PRKN: variants seen among roughly 807,000 people sequenced by gnomAD.
PRKN encodes E3 ubiquitin-protein ligase parkin.
Under a neutral mutation model 59.5 loss-of-function variants are expected in PRKN, and 56 were observed. The observed-to-expected ratio is 0.94, with a 90% CI of 0.76 to 1.18. The LOEUF (loss-of-function observed/expected upper bound fraction) is 1.18, where lower values mean the gene tolerates loss of function less well. PRKN is among the 50% of genes most tolerant of loss of function. The pLI is 0.00. For synonymous variants in PRKN, 250 were observed against 222.1 expected, an observed-to-expected ratio of 1.13 and a Z score of -1.12; for missense variants, 657 against 596.4, an observed-to-expected ratio of 1.10 and a Z score of -1.06.
At chr6:162,689,502 CA>C (rs1777690968) in intron 1 of PRKN, among the ~76,000 whole-genome samples, 2 of 152,198 alleles carry the variant, frequency 1.3e-5, no homozygotes, top group Non-Finnish European at 2.9e-5. Flanking sequence ...TGTGTGTTAA[CA>C]CAGGTTATAC....
At chr6:161,811,366 A>T (rs1562701939) in intron 6 of PRKN, among the ~76,000 whole-genome samples, 1 of 152,194 alleles carries the variant, frequency 6.6e-6, no homozygotes, top group Admixed American at 6.5e-5. Flanking sequence ...ACATCATCAT[A>T]TACAGTTACA....
intron 1 of PRKN, among the ~76,000 whole-genome samples, chr6:162,444,838 C>T (rs541028996): frequency 6.6e-6 from 1 of 152,268 alleles, no homozygotes; most frequent in Admixed American, 6.5e-5. Flanking sequence ...ATTAACCTCC[C>T]TCTTTAGGTC....
intron 1 of PRKN, among the ~76,000 whole-genome samples, chr6:162,577,260 A>G (rs1583839197): frequency 1.3e-5 from 2 of 152,318 alleles, no homozygotes; most frequent in Middle Eastern, 6.8e-3. Context: ...AAAAAAATCA[A>G]TCAAATCACA....
chr6:161,935,205 C>T (rs1779310316), intron 6 of PRKN, among the ~76,000 whole-genome samples: 1 of 152,054 alleles, frequency 6.6e-6, no homozygotes, highest in Non-Finnish European at 1.5e-5. Context: ...AAAATAAACT[C>T]ATACTAATTT....
In PRKN at chr6:162,543,713, C is replaced by T. The variant is rs567513633; in HGVS notation, c.8-100240G>A. 5.4e-4 allele frequency among the ~76,000 whole-genome samples: 82 copies of T among 152,196 alleles called. No homozygotes were observed. The South Asian group carries it at 6.0e-3, about 11-fold the overall frequency. ...CCATTATTATACCTGTACTTCATAC[C>T]GCTGGCTGACCCTGAGCTTGTGGTC... On this transcript the variant is annotated intron_variant, in intron 1 of 11. Coordinates refer to ENST00000366898, the MANE Select transcript of PRKN (RefSeq NM_004562.3).
At chr6:162,440,571 T>G (rs1309405369) in intron 2 of PRKN, among the ~76,000 whole-genome samples, 1 of 152,270 alleles carries the variant, frequency 6.6e-6, no homozygotes, top group Admixed American at 6.5e-5. Context: ...ATACTCACAA[T>G]ATCTCATTTT....
rs553871882 is a variant in PRKN at position 162,147,653 on chromosome 6, G to A, written c.534+53478C>T. ...AATAGAAAGTAAACTTTTTAAGACT[G>A]AATGGACTTTTCATTTTAAGGTGCA... On this transcript the variant is annotated intron_variant, in intron 4 of 11. Coordinates refer to ENST00000366898, the MANE Select transcript of PRKN (RefSeq NM_004562.3). Among the ~76,000 whole-genome samples, 4 of 152,220 alleles carry A rather than the reference G, an allele frequency of 2.6e-5. No individual in the cohort carries two copies. The South Asian group carries it at 8.3e-4, about 32-fold the overall frequency.
At chr6:162,352,880 C>G (rs745919474) in intron 2 of PRKN, among the ~76,000 whole-genome samples, 5 of 152,190 alleles carry the variant, frequency 3.3e-5, no homozygotes, top group Non-Finnish European at 7.4e-5. Context: ...CCTATAATGG[C>G]ATAATTTAAA....
At position 161,575,200 on chromosome 6, in the gene PRKN, T is replaced by C. The variant is rs1781084734; in HGVS notation, c.872-5784A>G. On this transcript the variant is annotated intron_variant, in intron 7 of 11. Transcript: ENST00000366898. This position sits in a 1 kb window ranked among gnomAD's most constrained non-coding sequence, Gnocchi z 4.6. ...TGTTAAAAAGCATATAAACACAGGA[T>C]TGAATCTTATTTTAAAGGACAACTG... Among the ~76,000 whole-genome samples, 1 of 152,168 alleles carries C rather than the reference T, an allele frequency of 6.6e-6. No homozygotes were observed. The highest frequency in any genetic ancestry group is 2.4e-5 in the African/African-American group (1 of 41,438).
At chr6:162,529,625 A>G (rs1778427368) in intron 1 of PRKN, among the ~76,000 whole-genome samples, 1 of 152,124 alleles carries the variant, frequency 6.6e-6, no homozygotes, top group Non-Finnish European at 1.5e-5. Flanking sequence ...GACAGAAGCC[A>G]TGTCTCAGGC....
chr6:161,613,022 T>C (rs1403660543), intron 7 of PRKN, among the ~76,000 whole-genome samples: 1 of 152,122 alleles, frequency 6.6e-6, no homozygotes, highest in Non-Finnish European at 1.5e-5. Context: ...TATTAAGAAA[T>C]ATATTTCATA....
chr6:161,431,447 A>C (rs1290799966), intron 9 of PRKN, among the ~76,000 whole-genome samples: 1 of 152,012 alleles, frequency 6.6e-6, no homozygotes, highest in Non-Finnish European at 1.5e-5. Flanking sequence ...AACCTGTTTT[A>C]TTAAATCATA....
At chr6:161,836,997 C>T (rs1792783874) in intron 6 of PRKN, among the ~76,000 whole-genome samples, 1 of 152,198 alleles carries the variant, frequency 6.6e-6, no homozygotes, top group Admixed American at 6.5e-5. Flanking sequence ...CTCCCACACT[C>T]CTGTCACCCA....
At chr6:161,903,802 CTT>C (rs78528519) in intron 6 of PRKN, among the ~76,000 whole-genome samples, 66 of 143,082 alleles carry the variant, frequency 4.6e-4, no homozygotes, top group South Asian at 1.4e-3. Flanking sequence ...TTTTCTTTTT[CTT>C]TTTTTTTTTT....
chr6:162,466,579 G>GT (rs953458037), intron 1 of PRKN, among the ~76,000 whole-genome samples: 88 of 147,066 alleles, frequency 6.0e-4, no homozygotes, highest in Non-Finnish European at 7.2e-4. Flanking sequence ...TTTTATTCTT[G>GT]TTTTTTTTTT....
chr6:162,361,917 A>G (rs2128134107), intron 2 of PRKN, among the ~76,000 whole-genome samples: 1 of 152,312 alleles, frequency 6.6e-6, no homozygotes, highest in South Asian at 2.1e-4. Flanking sequence ...AAAAAGTACC[A>G]AATAACCAAA....
At chr6:162,184,037 G>C (rs2128323962) in intron 4 of PRKN, among the ~76,000 whole-genome samples, 1 of 152,292 alleles carries the variant, frequency 6.6e-6, no homozygotes, top group South Asian at 2.1e-4. Flanking sequence ...TGTGGCCACT[G>C]TGGCTGATAA....
intron 7 of PRKN, among the ~76,000 whole-genome samples, chr6:161,749,844 C>A (rs750030138): frequency 4.6e-5 from 7 of 152,074 alleles, no homozygotes; most frequent in Non-Finnish European, 8.8e-5. Flanking sequence ...CCCACATTCA[C>A]CCTGCACCTC....
chr6:161,897,942 G>A (rs979163635), intron 6 of PRKN, among the ~76,000 whole-genome samples: 1 of 78,386 alleles, frequency 1.3e-5, no homozygotes, highest in African/African-American at 4.7e-5. Flanking sequence ...ACTCCAGCCT[G>A]GGTGACAGAG....
Sources: gnomAD v4.1 joint callset for allele counts (sites outside exome capture counted in the v4.1 genomes callset) on GRCh38, gnomAD v4.1.1 for gene constraint, Gnocchi (gnomAD v3.1) non-coding constraint, MANE v1.5 for transcripts, NCBI Gene and HGNC (gene_info 2026-07-23, HGNC 2026-07-21) for gene names.